Variants in MAF observed in about 807,000 individuals in gnomAD.
The protein encoded by MAF is transcription factor Maf.
In MAF, 10 loss-of-function variants were observed where a neutral mutation model predicts 22.0. The observed-to-expected ratio is 0.45, with a 90% CI of 0.28 to 0.77. The LOEUF (loss-of-function observed/expected upper bound fraction) is 0.77, where lower values mean the gene tolerates loss of function less well. Ranked by LOEUF, MAF falls within the 30% of genes least tolerant of loss-of-function variation. The pLI, the probability that MAF is intolerant of heterozygous loss-of-function variation, is 0.12. For missense variants in MAF, 544 were observed against 548.4 expected, an observed-to-expected ratio of 0.99 and a Z score of 0.08; for synonymous variants, 337 against 255.8, an observed-to-expected ratio of 1.32 and a Z score of -3.03.
chr16:79,204,555 C>G, the MAF span: 8,986 of 152,170 alleles, frequency 0.059, 393 homozygotes, highest in East Asian at 0.23. Flanking sequence ...TTTGGAACAT[C>G]GATGGCAAGA....
At chr16:79,555,410 G>A in the MAF span, among the ~76,000 whole-genome samples, 1 of 152,086 alleles carries the variant, frequency 6.6e-6, no homozygotes, top group South Asian at 2.1e-4. Context: ...ATGGTGTACT[G>A]GTAAATGTTT....
chr16:79,226,888 C>G, the MAF span, among the ~76,000 whole-genome samples: 6 of 152,018 alleles, frequency 3.9e-5, no homozygotes, highest in Non-Finnish European at 7.4e-5. Context: ...TGACTCAGGT[C>G]CAGTCATGGA....
At chr16:79,300,455 T>G in the MAF span, among the ~76,000 whole-genome samples, 18 of 152,152 alleles carry the variant, frequency 1.2e-4, no homozygotes, top group African/African-American at 4.3e-4. Context: ...CTCAGGAGGC[T>G]GAGTCAGGAG....
At chr16:79,322,049 C>T in the MAF span, among the ~76,000 whole-genome samples, 138,385 of 151,926 alleles carry the variant, frequency 0.91, 63,402 homozygotes, top group Non-Finnish European at 0.96. Context: ...CTGGGCAACA[C>T]GGCGAAACGC....
chr16:79,561,503 T>C, the MAF span, among the ~76,000 whole-genome samples: 1 of 146,796 alleles, frequency 6.8e-6, no homozygotes, highest in Admixed American at 6.8e-5. Context: ...TGTGTGATGT[T>C]CCCCTTCCTG....
the MAF span, among the ~76,000 whole-genome samples, chr16:79,548,437 A>C: frequency 6.6e-6 from 1 of 152,210 alleles, no homozygotes; most frequent in Admixed American, 6.5e-5. Context: ...AGATATAACA[A>C]GGAAAAAACA....
chr16:79,255,821 G>A, the MAF span, among the ~76,000 whole-genome samples: 291 of 152,188 alleles, frequency 1.9e-3, 2 homozygotes, highest in Middle Eastern at 0.017. Flanking sequence ...TGTGAGTGGG[G>A]ATATTAACAG....
At chr16:79,435,918 C>A in the MAF span, among the ~76,000 whole-genome samples, 3 of 152,114 alleles carry the variant, frequency 2.0e-5, no homozygotes, top group Non-Finnish European at 2.9e-5. Context: ...AGGTAAGGGA[C>A]CTGCTCTTTG....
At chr16:79,321,002 C>G in the MAF span, among the ~76,000 whole-genome samples, 1 of 152,148 alleles carries the variant, frequency 6.6e-6, no homozygotes, top group Non-Finnish European at 1.5e-5. Flanking sequence ...GGGTTAGACC[C>G]AGGTGACTAA....
chr16:79,215,706 T>A, the MAF span, among the ~76,000 whole-genome samples: 10 of 152,276 alleles, frequency 6.6e-5, no homozygotes, highest in East Asian at 1.9e-3. Flanking sequence ...CAAGGCTTCA[T>A]ACATTCATTC....
At chr16:79,524,819 C>A in the MAF span, among the ~76,000 whole-genome samples, 1 of 152,188 alleles carries the variant, frequency 6.6e-6, no homozygotes, top group Non-Finnish European at 1.5e-5. Context: ...TAGGCAACAT[C>A]AACTTATGGG....
chr16:79,329,426 G>T, the MAF span, among the ~76,000 whole-genome samples: 4 of 152,156 alleles, frequency 2.6e-5, no homozygotes. Flanking sequence ...CCGGTATCTG[G>T]TAATTTTGGT....
At chr16:79,328,268 C>T in the MAF span, among the ~76,000 whole-genome samples, 2 of 151,144 alleles carry the variant, frequency 1.3e-5, no homozygotes, top group Admixed American at 6.6e-5. Flanking sequence ...CAAACAAGTG[C>T]AAATCAGAGC....
the MAF span, among the ~76,000 whole-genome samples, chr16:79,379,687 G>A: frequency 1.3e-5 from 2 of 152,196 alleles, no homozygotes; most frequent in Non-Finnish European, 1.5e-5. Context: ...TCCAGGGGCT[G>A]AGTCTTGATC....
chr16:79,228,280 C>A, the MAF span, among the ~76,000 whole-genome samples: 1 of 152,000 alleles, frequency 6.6e-6, no homozygotes, highest in Non-Finnish European at 1.5e-5. Context: ...GAAAAATATG[C>A]CATCTACAAG....
the MAF span, among the ~76,000 whole-genome samples, chr16:79,245,216 T>C: frequency 6.6e-6 from 1 of 151,826 alleles, no homozygotes; most frequent in African/African-American, 2.4e-5. Flanking sequence ...AATTGACAAA[T>C]GGGATCTAAT....
At chr16:79,300,883 C>G in the MAF span, among the ~76,000 whole-genome samples, 1 of 151,886 alleles carries the variant, frequency 6.6e-6, no homozygotes, top group Non-Finnish European at 1.5e-5. Context: ...AGTAAAGGGT[C>G]TACTGCATGT....
At chr16:79,236,927 C>A in the MAF span, among the ~76,000 whole-genome samples, 384 of 141,710 alleles carry the variant, frequency 2.7e-3, 11 homozygotes, top group Admixed American at 0.025. Flanking sequence ...CTCATTTCAA[C>A]TGTGCCATAA....
the MAF span, among the ~76,000 whole-genome samples, chr16:79,243,054 T>C: frequency 6.6e-6 from 1 of 151,982 alleles, no homozygotes; most frequent in Non-Finnish European, 1.5e-5. Flanking sequence ...TAAAGCAGTA[T>C]GCAGAGGGAA....
Sources: gnomAD v4.1 joint callset for allele counts (sites outside exome capture counted in the v4.1 genomes callset) on GRCh38, gnomAD v4.1.1 for gene constraint, MANE v1.5 for transcripts, NCBI Gene and HGNC (gene_info 2026-07-23, HGNC 2026-07-21) for gene names.